Variants in FGD6 observed in about 807,000 individuals in gnomAD.
FGD6 encodes FYVE, RhoGEF and PH domain-containing protein 6.
In FGD6, 90 loss-of-function variants were observed where a neutral mutation model predicts 149.4. The observed-to-expected ratio is 0.60, with a 90% CI of 0.51 to 0.72. The LOEUF (loss-of-function observed/expected upper bound fraction) is 0.72. Among genes scored for constraint, FGD6 ranks in the 30% least tolerant of loss-of-function variants. FGD6 has a pLI of 0.00. For synonymous variants in FGD6, 527 were observed against 584.0 expected (o/e 0.90, Z 1.41); for missense variants, 1,437 against 1,684.8 (o/e 0.85, Z 2.57).
At chr12:95,121,908 A>C (rs1418622592) in intron 8 of FGD6, among the ~76,000 whole-genome samples, 2 of 152,076 alleles carry the variant, frequency 1.3e-5, no homozygotes, top group African/African-American at 4.8e-5. Context: ...TTTAATAAAC[A>C]ATCTTTTTTC....
At position 95,209,772 on chromosome 12, in the gene FGD6, C is replaced by G. The variant is rs765268655; in HGVS notation, c.1512G>C (p.Leu504Phe). The G allele has an allele frequency of 1.2e-6, 2 of 1,613,148 alleles. No individual in the cohort carries two copies. Among genetic ancestry groups the G allele is most frequent in the Non-Finnish European group, 1.7e-6 (2 of 1,179,888 alleles). ...CCTTTTTAAGCACTCCTGTAGCAGG[C>G]AAGCTATGTCTTTGAGGTTTTTTGG... ...IVPKKPQRHS[L>F]PATGVLKKAA... is the part of the protein sequence containing the mutation. Residue 504 changes from leucine (L) to phenylalanine (F), a missense_variant, in exon 2 of 21, where the codon TTG (leucine) becomes TTC (phenylalanine). Around this residue, in one of 2 missense-constraint regions of FGD6, gnomAD observed 1,055 missense variants for 1,146.0 expected, o/e 0.92. Transcript: ENST00000343958.
chr12:95,127,622 A>T (rs1187956436), intron 8 of FGD6, among the ~76,000 whole-genome samples: 1 of 152,246 alleles, frequency 6.6e-6, no homozygotes, highest in Non-Finnish European at 1.5e-5. Flanking sequence ...GCTCAAATTT[A>T]TAGCTTCAGA....
intron 8 of FGD6, among the ~76,000 whole-genome samples, chr12:95,123,283 C>T (rs989776408): frequency 4.6e-5 from 7 of 152,030 alleles, no homozygotes; most frequent in Admixed American, 3.3e-4. Flanking sequence ...GTAATTCCAG[C>T]TACTTGGGAG....
chr12:95,193,979 G>A (rs989815921), intron 2 of FGD6, among the ~76,000 whole-genome samples: 1 of 151,630 alleles, frequency 6.6e-6, no homozygotes, highest in African/African-American at 2.4e-5. Context: ...TGTCACCCAC[G>A]CTAGAATGCA....
At chr12:95,180,236 G>A (rs906689088) in intron 2 of FGD6, among the ~76,000 whole-genome samples, 2 of 152,240 alleles carry the variant, frequency 1.3e-5, no homozygotes, top group African/African-American at 4.8e-5. Flanking sequence ...TGTAAAAAGT[G>A]TGTATATTTG....
chr12:95,091,560 A>C, intron 17 of FGD6, 147 bp downstream of exon 17: 1 of 574,036 alleles, frequency 1.7e-6, no homozygotes, highest in Non-Finnish European at 3.0e-6. Flanking sequence ...TTACAACAAA[A>C]TATGAATTAA....
At chr12:95,143,728 C>G (rs1879925986) in intron 5 of FGD6, among the ~76,000 whole-genome samples, 1 of 152,202 alleles carries the variant, frequency 6.6e-6, no homozygotes, top group South Asian at 2.1e-4. Context: ...AATCATTAGG[C>G]TGTCTGCTAT....
chr12:95,077,138 A>G lies in FGD6; in HGVS notation c.*4382T>C, dbSNP rs982578529. The G allele has an allele frequency of 6.6e-6, 1 of 152,260 alleles. No individual in the cohort carries two copies. Among genetic ancestry groups the G allele is most frequent in the Non-Finnish European group, 1.5e-5 (1 of 68,050 alleles). The allele number at this position is 152,260 out of a possible 1,614,324, so 9.4% of individuals were successfully genotyped here. Reference sequence around the variant, plus strand: ...TTTAGAAAATGACATTAAAAGTGGCATGAGCCCTAGAATGATATGTGTATT... The same window carrying G: ...TTTAGAAAATGACATTAAAAGTGGCGTGAGCCCTAGAATGATATGTGTATT... On this transcript the variant is annotated 3_prime_UTR_variant, in exon 21 of 21. Coordinates refer to ENST00000343958, the MANE Select transcript of FGD6 (RefSeq NM_018351.4).
chr12:95,110,212 G>A (rs1188530185), intron 9 of FGD6, among the ~76,000 whole-genome samples: 7 of 151,776 alleles, frequency 4.6e-5, no homozygotes, highest in Admixed American at 4.6e-4. Flanking sequence ...TCCTGACCTC[G>A]TGATCCGCCC....
chr12:95,144,418 G>C (rs530399529), intron 5 of FGD6, among the ~76,000 whole-genome samples: 2 of 152,072 alleles, frequency 1.3e-5, no homozygotes, highest in East Asian at 1.9e-4. Flanking sequence ...TTGAGACAGA[G>C]TTTCACTCTG....
intron 5 of FGD6, among the ~76,000 whole-genome samples, chr12:95,144,969 G>A (rs1214303268): frequency 6.2e-5 from 9 of 145,920 alleles, no homozygotes; most frequent in African/African-American, 1.8e-4. Flanking sequence ...GATTACAGGC[G>A]TGAGCCACCG....
chr12:95,186,228 C>CTTTTTTTTTTTTTTTTTTT (rs1174763781), intron 2 of FGD6, among the ~76,000 whole-genome samples: 2 of 38,936 alleles, frequency 5.1e-5, no homozygotes, highest in Admixed American at 3.6e-4. Flanking sequence ...TATTCTTCTT[C>CTTTTTTTTTTTTTTTTTTT]TTTTTTTTTT....
chr12:95,091,430 A>G (rs552671178), intron 17 of FGD6, among the ~76,000 whole-genome samples: 15 of 152,362 alleles, frequency 9.8e-5, no homozygotes, highest in South Asian at 2.1e-4. Context: ...AAATTACTTG[A>G]AAGTTAAAGT....
At chr12:95,204,708 G>GCACA (rs1029066310) in intron 2 of FGD6, among the ~76,000 whole-genome samples, 17 of 128,044 alleles carry the variant, frequency 1.3e-4, no homozygotes, top group African/African-American at 5.1e-4. Context: ...GTGCATGCAC[G>GCACA]CGCACACACA....
intron 8 of FGD6, among the ~76,000 whole-genome samples, chr12:95,130,305 G>C (rs1466005252): frequency 6.6e-6 from 1 of 152,108 alleles, no homozygotes; most frequent in African/African-American, 2.4e-5. Flanking sequence ...TATCTCAGTG[G>C]GAGGCACAAA....
At chr12:95,097,611 G>T (rs1878276232) in intron 14 of FGD6, among the ~76,000 whole-genome samples, 2 of 137,442 alleles carry the variant, frequency 1.5e-5, no homozygotes, top group Non-Finnish European at 3.1e-5. Flanking sequence ...ACTCCAGCCT[G>T]GGCAACAAGT....
intron 2 of FGD6, among the ~76,000 whole-genome samples, chr12:95,177,298 G>A (rs1881160892): frequency 6.6e-6 from 1 of 152,184 alleles, no homozygotes; most frequent in Admixed American, 6.5e-5. Context: ...GGGATCGGAT[G>A]GCCGAGAGAA....
Position 95,081,404 on chromosome 12 carries a change from G to T in FGD6, c.*116C>A. 1.4e-6 allele frequency: 1 copy of T among 739,644 alleles called. No homozygotes were observed. Among genetic ancestry groups the T allele is most frequent in the Non-Finnish European group, 2.0e-6 (1 of 496,456 alleles). The allele number at this position is 739,644 out of a possible 1,614,324, so 45.8% of individuals were successfully genotyped here. ...AACAAAACAATTTCTTTGATGAAGG[G>T]TCTGGTTGGCTTTATCTTGGCAGTG... is the stretch of plus-strand genomic sequence containing the variant. On this transcript the variant is annotated 3_prime_UTR_variant, in exon 21 of 21. Coordinates refer to ENST00000343958, the MANE Select transcript of FGD6 (RefSeq NM_018351.4).
chr12:95,108,141 T>C (rs939127110), intron 11 of FGD6, among the ~76,000 whole-genome samples: 2 of 152,172 alleles, frequency 1.3e-5, no homozygotes, highest in African/African-American at 4.8e-5. Context: ...CTCCCCTAAT[T>C]GAACTGGACT....
Sources: allele counts gnomAD v4.1 joint callset (sites outside exome capture counted in the v4.1 genomes callset), GRCh38; gene constraint gnomAD v4.1.1; regional missense constraint gnomAD v4.1.1; transcripts MANE v1.5; gene names NCBI Gene and HGNC (gene_info 2026-07-23, HGNC 2026-07-21).